FCRL2: variants seen among roughly 807,000 people sequenced by gnomAD.
FCRL2 encodes Fc receptor like 2, also known as Fc receptor-like protein 2.
A neutral mutation model predicts 59.8 loss-of-function variants in FCRL2; 48 were observed. The observed-to-expected ratio is 0.80, with a 90% CI of 0.64 to 1.02. FCRL2 has a LOEUF of 1.02. Among genes scored for constraint, FCRL2 ranks in the 50% least tolerant of loss-of-function variants. FCRL2 has a pLI of 0.00. For synonymous variants in FCRL2, 251 were observed against 229.5 expected (o/e 1.09, Z -0.85); for missense variants, 658 against 597.3 (o/e 1.10, Z -1.06).
rs768283152 is a variant in FCRL2 at position 157,767,341 on chromosome 1, C to G, written c.1052G>C (p.Gly351Ala). ...AGTCAAAGAGAGGTTGAAGGAGGCC[C>G]CTCCTCCAGAGGGGGCCGAGCTGTT... ...LGNSSAPSGG[G>A]ASFNLSLTAE... The change falls in exon 6 of 12, where the codon GGG becomes GCG. Residue 351 changes from glycine to alanine, a missense_variant. Gly to Ala is a moderately conservative substitution (Grantham distance 60, BLOSUM62 0). Coordinates refer to ENST00000361516, the MANE Select transcript of FCRL2 (RefSeq NM_030764.4). The G allele has an allele frequency of 6.2e-7, 1 of 1,614,074 alleles. No homozygotes were observed. Among genetic ancestry groups the G allele is most frequent in the African/African-American group, 1.3e-5 (1 of 74,922 alleles).
At chr1:157,761,736 G>T (rs1389848977) in intron 7 of FCRL2, among the ~76,000 whole-genome samples, 1 of 152,044 alleles carries the variant, frequency 6.6e-6, no homozygotes, top group East Asian at 1.9e-4. Context: ...TATTAATAGG[G>T]CTCAGTATGA....
At chr1:157,776,683 A>G (rs1650440655) in intron 1 of FCRL2, among the ~76,000 whole-genome samples, 1 of 152,194 alleles carries the variant, frequency 6.6e-6, no homozygotes, top group Non-Finnish European at 1.5e-5. Context: ...ATAGATAACA[A>G]TTGAATAATC....
At position 157,769,944 on chromosome 1, in the gene FCRL2, CTG is replaced by C. The variant is rs1649861406; in HGVS notation, c.515_516del (p.Thr172ArgfsTer32). 5 of 1,614,178 alleles carry C rather than the reference CTG, an allele frequency of 3.1e-6. No individual in the cohort carries two copies. On this transcript the variant is annotated frameshift_variant, in exon 4 of 12. Transcript: ENST00000361516. LOFTEE classifies it high-confidence loss of function. ...LQISAVWSED[T>X]GSYWCKAETV... ...GTTTCTGCCTTGCACCAGTAAGACC[CTG>C]TGTCTTCACTCCACACGGCAGAAAT...
chr1:157,765,117 C>T (rs6675393), intron 7 of FCRL2, among the ~76,000 whole-genome samples: 84,727 of 151,890 alleles, frequency 0.56, 26,148 homozygotes, highest in African/African-American at 0.85. Context: ...TAATCAGAAA[C>T]GAAAAAGCAG....
At chr1:157,760,393 C>T (rs546397806) in intron 7 of FCRL2, among the ~76,000 whole-genome samples, 7 of 151,614 alleles carry the variant, frequency 4.6e-5, no homozygotes, top group African/African-American at 1.5e-4. Context: ...GAGGCCGAGG[C>T]GGGTGGATTA....
chr1:157,761,002 T>G (rs759371743), intron 7 of FCRL2, among the ~76,000 whole-genome samples: 2 of 152,224 alleles, frequency 1.3e-5, no homozygotes, highest in Non-Finnish European at 2.9e-5. Flanking sequence ...GTTTACTATG[T>G]GGAAGAAAAT....
At chr1:157,768,254 C>T (rs1649678794) in intron 5 of FCRL2, 160 bp downstream of exon 5, 2 of 625,584 alleles carry the variant, frequency 3.2e-6, no homozygotes, top group Non-Finnish European at 5.5e-6. Context: ...CAAAAAGAAA[C>T]AGGTCAGCAG....
intron 2 of FCRL2, among the ~76,000 whole-genome samples, chr1:157,772,322 G>A (rs151276258): frequency 2.3e-3 from 347 of 152,280 alleles, no homozygotes; most frequent in Admixed American, 3.5e-3. Flanking sequence ...GACAAAGTGA[G>A]ACTTTGAGTT....
At chr1:157,764,302 C>G (rs1393660871) in intron 7 of FCRL2, among the ~76,000 whole-genome samples, 3 of 151,956 alleles carry the variant, frequency 2.0e-5, no homozygotes, top group Non-Finnish European at 4.4e-5. Flanking sequence ...GTACTCAACA[C>G]TTGAGCACCC....
rs1649190228 is a variant in FCRL2 at position 157,762,670 on chromosome 1, A to G, written c.1279+4185T>C. Among the ~76,000 whole-genome samples the G allele has an allele frequency of 2.0e-5, 3 of 152,170 alleles. No homozygotes were observed. In the South Asian group the frequency reaches 6.2e-4, roughly 31 times the overall value. On this transcript the variant is annotated intron_variant, in intron 7 of 11. Coordinates refer to ENST00000361516, the MANE Select transcript of FCRL2 (RefSeq NM_030764.4). ...ATAAAACAGTCTAAAGTCAAATACAAAGACAGAATTTTTTAAATGGCAAGG... is the reference window on the plus strand; with the variant it reads ...ATAAAACAGTCTAAAGTCAAATACAGAGACAGAATTTTTTAAATGGCAAGG...
chr1:157,747,429 G>A (rs1039895009), intron 10 of FCRL2, among the ~76,000 whole-genome samples: 1 of 152,200 alleles, frequency 6.6e-6, no homozygotes, highest in South Asian at 2.1e-4. Context: ...AAGATTTACA[G>A]CTAGAGGGCT....
At chr1:157,771,140 G>T (rs1374803789) in intron 2 of FCRL2, among the ~76,000 whole-genome samples, 1 of 152,148 alleles carries the variant, frequency 6.6e-6, no homozygotes, top group Non-Finnish European at 1.5e-5. Context: ...ATCACACTGG[G>T]ATTAGGGTTT....
At chr1:157,763,958 A>T (rs548854873) in intron 7 of FCRL2, among the ~76,000 whole-genome samples, 2 of 146,948 alleles carry the variant, frequency 1.4e-5, no homozygotes, top group South Asian at 2.2e-4. Context: ...TGAACTCGGG[A>T]GGCTGAACTC....
intron 7 of FCRL2, among the ~76,000 whole-genome samples, chr1:157,757,492 A>G (rs1455181003): frequency 6.6e-6 from 1 of 152,196 alleles, no homozygotes; most frequent in Non-Finnish European, 1.5e-5. Context: ...ATAATTAAAA[A>G]AAAAAGAAAG....
At chr1:157,758,261 A>G (rs1461309814) in intron 7 of FCRL2, among the ~76,000 whole-genome samples, 1 of 152,204 alleles carries the variant, frequency 6.6e-6, no homozygotes, top group Non-Finnish European at 1.5e-5. Flanking sequence ...AGAATGAGGA[A>G]CTGGGAAAGA....
At chr1:157,760,167 T>G (rs1330249940) in intron 7 of FCRL2, among the ~76,000 whole-genome samples, 2 of 152,212 alleles carry the variant, frequency 1.3e-5, no homozygotes, top group Admixed American at 1.3e-4. Flanking sequence ...GAGACCATTA[T>G]CCTAAGTGAA....
intron 7 of FCRL2, among the ~76,000 whole-genome samples, chr1:157,764,622 T>A (rs1390077601): frequency 1.3e-5 from 2 of 152,188 alleles, no homozygotes; most frequent in Non-Finnish European, 2.9e-5. Context: ...ATATCAAGTA[T>A]CTTCTCAGAC....
intron 1 of FCRL2, 84 bp from the exon 2 acceptor site, chr1:157,775,879 C>T (rs1650372922): frequency 6.9e-7 from 1 of 1,448,174 alleles, no homozygotes; most frequent in Non-Finnish European, 9.4e-7. Flanking sequence ...GTAAATTGCT[C>T]AAAAACTTCT....
Position 157,746,875 on chromosome 1 carries a change from T to C in FCRL2, c.1484A>G (p.Asn495Ser), listed in dbSNP as rs111332475. The C allele has an allele frequency of 6.2e-7, 1 of 1,613,990 alleles. No individual in the cohort carries two copies. Among genetic ancestry groups the C allele is most frequent in the Non-Finnish European group, 8.5e-7 (1 of 1,179,994 alleles). ...ATTCCAAGGTGTCTAGCTCACCTTGTTCTCCAGAAGTGTCCTGATGTTTGC... is the reference window on the plus strand; with the variant it reads ...ATTCCAAGGTGTCTAGCTCACCTTGCTCTCCAGAAGTGTCCTGATGTTTGC... ...SSANIRTLLE[N>S]KDSQVIYSSV... The change falls in exon 11 of 12, where the codon AAC (asparagine) becomes AGC (serine). Residue 495 changes from asparagine (N) to serine (S), a missense_variant. Asn to Ser is a conservative substitution (Grantham distance 46, BLOSUM62 1). Coordinates refer to ENST00000361516, the MANE Select transcript of FCRL2 (RefSeq NM_030764.4).
Sources: gnomAD v4.1 joint callset for allele counts (sites outside exome capture counted in the v4.1 genomes callset) on GRCh38, gnomAD v4.1.1 for gene constraint, MANE v1.5 for transcripts, NCBI Gene and HGNC (gene_info 2026-07-23, HGNC 2026-07-21) for gene names.